KIF13A: variants seen among roughly 807,000 people sequenced by gnomAD.
The protein encoded by KIF13A is kinesin family member 13A.
In KIF13A, 79 loss-of-function variants were observed where a neutral mutation model predicts 212.2. The ratio of observed to expected loss-of-function variants is 0.37; its 90% confidence interval spans 0.31 to 0.45. The LOEUF (loss-of-function observed/expected upper bound fraction) is 0.45. Ranked by LOEUF, KIF13A falls within the 20% of genes least tolerant of loss-of-function variation. The pLI is 1.00. For missense variants in KIF13A, 1,901 were observed against 2,209.0 expected, an observed-to-expected ratio of 0.86 and a Z score of 2.79; for synonymous variants, 789 against 808.6, an observed-to-expected ratio of 0.98 and a Z score of 0.41.
intron 2 of KIF13A, among the ~76,000 whole-genome samples, chr6:17,927,128 G>A (rs780611690): frequency 8.6e-6 from 1 of 116,864 alleles, no homozygotes; most frequent in African/African-American, 3.1e-5. Context: ...AACAGAGCAA[G>A]ACTCTGTCTC....
At chr6:17,770,757 G>T in intron 38 of KIF13A, 1 of 974,018 alleles carries the variant, frequency 1.0e-6, no homozygotes, top group Non-Finnish European at 1.2e-6. Context: ...CCAAGTAAGT[G>T]CACTTCCTCT....
chr6:17,779,686 T>C lies in KIF13A; in HGVS notation c.3847-2A>G. 1 of 1,270,920 alleles carries C rather than the reference T, an allele frequency of 7.9e-7. No individual in the cohort carries two copies. The highest frequency in any genetic ancestry group is 1.3e-5 in the South Asian group (1 of 78,606). The allele number at this position is 1,270,920 out of a possible 1,614,324, so 78.7% of individuals were successfully genotyped here. On this transcript the variant is annotated splice_acceptor_variant, in intron 31 of 38. Coordinates refer to ENST00000259711, the MANE Select transcript of KIF13A (RefSeq NM_022113.6). LOFTEE classifies it high-confidence loss of function. ...CCTCTTCAAACTCTGCGTGAAACTC[T>C]AGTAGAAAAAAAAAAAAGCTGTATT...
At chr6:17,877,421 C>T (rs940590137) in intron 3 of KIF13A, among the ~76,000 whole-genome samples, 25 of 152,066 alleles carry the variant, frequency 1.6e-4, no homozygotes, top group Admixed American at 1.4e-3. Context: ...CTCTAGAGAC[C>T]GACCACACAG....
At position 17,850,180 on chromosome 6, in the gene KIF13A, G is replaced by A; in HGVS notation, c.717+143C>T. ...TAAAGAAAGACCTAACAAATTAAAT[G>A]ATAAGCAAAGTAGCTCACCTAGTAA... On this transcript the variant is annotated intron_variant, in intron 8 of 38. Coordinates refer to ENST00000259711, the MANE Select transcript of KIF13A (RefSeq NM_022113.6). This position sits in a 1 kb window ranked among gnomAD's most constrained non-coding sequence, Gnocchi z 6.2. 2.5e-6 allele frequency: 2 copies of A among 807,372 alleles called. No individual in the cohort carries two copies. The highest frequency in any genetic ancestry group is 3.6e-6 in the Non-Finnish European group (2 of 552,314). 50.0% of individuals were successfully genotyped at this position (807,372 alleles called of 1,614,324 possible). A position where few individuals can be genotyped will look rare whatever the true frequency, so the allele number is the denominator to read the frequency against.
At chr6:17,924,442 T>C (rs892446425) in intron 2 of KIF13A, among the ~76,000 whole-genome samples, 3 of 152,228 alleles carry the variant, frequency 2.0e-5, no homozygotes, top group African/African-American at 7.2e-5. Flanking sequence ...ATGTCCCTTT[T>C]TTTCTGATGT....
rs1168734973 is a variant in KIF13A, at chr6:17,984,082, G to A, written c.146+2972C>T. 6.6e-6 allele frequency among the ~76,000 whole-genome samples: 1 copy of A among 152,164 alleles called. No homozygotes were observed. The highest frequency in any genetic ancestry group is 2.4e-5 in the African/African-American group (1 of 41,440). ...GGAGCATGAGGTACAAAGAGAAGTA[G>A]GATAAGGTACCTACCTGCCTTCAAG... is the stretch of plus-strand genomic sequence containing the variant. On this transcript the variant is annotated intron_variant, in intron 2 of 38. Coordinates refer to ENST00000259711, the MANE Select transcript of KIF13A (RefSeq NM_022113.6). The surrounding 1 kb of genome is among the most constrained non-coding windows in gnomAD (Gnocchi z 5.0).
chr6:17,951,436 T>A lies in KIF13A; in HGVS notation c.146+35618A>T. The A allele has an allele frequency of 1.9e-6, 1 of 537,822 alleles. No individual in the cohort carries two copies. Among genetic ancestry groups the A allele is most frequent in the South Asian group, 2.5e-5 (1 of 40,806 alleles). The allele number at this position is 537,822 out of a possible 1,614,324, so 33.3% of individuals were successfully genotyped here. A position where few individuals can be genotyped will look rare whatever the true frequency, so the allele number is the denominator to read the frequency against. On this transcript the variant is annotated intron_variant, in intron 2 of 38. Transcript: ENST00000259711. This position sits in a 1 kb window ranked among gnomAD's most constrained non-coding sequence, Gnocchi z 4.9. ...GTGAGCCACTGTGACCAGCCTCAAT[T>A]TAAAAAAAAAAAAAAAACAGCTTTA... is the stretch of plus-strand genomic sequence containing the variant.
chr6:17,890,790 CTAATAATAATAATAA>C (rs71536760), intron 3 of KIF13A, among the ~76,000 whole-genome samples: 1 of 139,138 alleles, frequency 7.2e-6, no homozygotes, highest in Non-Finnish European at 1.5e-5. Context: ...CTATGCCCAG[CTAATAATAATAATAA>C]TAATAATAAT....
intron 16 of KIF13A, among the ~76,000 whole-genome samples, chr6:17,821,031 T>A (rs1480555742): frequency 6.6e-6 from 1 of 152,180 alleles, no homozygotes; most frequent in African/African-American, 2.4e-5. Flanking sequence ...TCTTTATTTT[T>A]AAAATGTTTT....
intron 2 of KIF13A, among the ~76,000 whole-genome samples, chr6:17,935,211 T>C (rs1776353983): frequency 6.6e-6 from 1 of 152,182 alleles, no homozygotes; most frequent in African/African-American, 2.4e-5. Context: ...CCTGAATAAA[T>C]GTCACAATCA....
chr6:17,862,540 T>G (rs565753989), intron 4 of KIF13A, among the ~76,000 whole-genome samples: 1 of 152,304 alleles, frequency 6.6e-6, no homozygotes, highest in South Asian at 2.1e-4. Flanking sequence ...TGGTGGCTCA[T>G]GCCTGCAATC....
chr6:17,833,131 C>T (rs1360783313), intron 12 of KIF13A, among the ~76,000 whole-genome samples: 1 of 150,904 alleles, frequency 6.6e-6, no homozygotes, highest in African/African-American at 2.4e-5. Context: ...TTAGTGCTAT[C>T]TAACACGTCT....
In KIF13A at chr6:17,826,832, A is replaced by G. The variant is rs1171287055; in HGVS notation, c.1533-708T>C. On this transcript the variant is annotated intron_variant, in intron 14 of 38. Transcript: ENST00000259711. This position sits in a 1 kb window ranked among gnomAD's most constrained non-coding sequence, Gnocchi z 4.7. ...GATGATATTGAAACTATATTTAAGA[A>G]TCTTCATCTTTTAGAGAGACATAGT... 6.6e-6 allele frequency among the ~76,000 whole-genome samples: 1 copy of G among 151,836 alleles called. No individual in the cohort carries two copies. Among genetic ancestry groups the G allele is most frequent in the East Asian group, 1.9e-4 (1 of 5,186 alleles).
chr6:17,859,698 C>A (rs534811827), intron 4 of KIF13A, among the ~76,000 whole-genome samples: 367 of 144,438 alleles, frequency 2.5e-3, no homozygotes, highest in Non-Finnish European at 3.8e-3. Flanking sequence ...TGCAATGGTG[C>A]GATCTCGGCT....
At chr6:17,775,349 G>C (rs182971826) in intron 34 of KIF13A, among the ~76,000 whole-genome samples, 1 of 152,042 alleles carries the variant, frequency 6.6e-6, no homozygotes, top group Non-Finnish European at 1.5e-5. Flanking sequence ...TTATTCAATA[G>C]TCTAGTCAAG....
rs200447171 is a variant in KIF13A, at chr6:17,764,164, C to T, written c.5364G>A (p.Glu1788=). 4 of 1,614,012 alleles carry T rather than the reference C, an allele frequency of 2.5e-6. No individual in the cohort carries two copies. The Admixed American group carries it at 6.7e-5, about 27-fold the overall frequency. The change falls in exon 39 of 39, where the codon GAG becomes GAA. Residue 1788 remains glutamate (E), a synonymous_variant. Coordinates refer to ENST00000259711, the MANE Select transcript of KIF13A (RefSeq NM_022113.6). This position sits in a 1 kb window ranked among gnomAD's most constrained non-coding sequence, Gnocchi z 5.1. ...HHPSQLHSKL[E]NDQVIIPEAA... ...CCTCTGGAATTATTACCTGGTCATT[C>T]TCTAACTTGGAATGCAGCTGGCTGG...
chr6:17,975,279 G>A (rs887716020), intron 2 of KIF13A, among the ~76,000 whole-genome samples: 2 of 152,186 alleles, frequency 1.3e-5, no homozygotes, highest in African/African-American at 2.4e-5. Flanking sequence ...TTTGAATCTG[G>A]GAGGTGAAGG....
At chr6:17,821,838 G>C (rs1025441100) in intron 16 of KIF13A, 1 of 1,535,180 alleles carries the variant, frequency 6.5e-7, no homozygotes, top group African/African-American at 1.4e-5. Flanking sequence ...TGAGAGGAAA[G>C]AGGATCTTCA....
intron 4 of KIF13A, among the ~76,000 whole-genome samples, chr6:17,870,188 T>G (rs960623740): frequency 6.6e-6 from 1 of 152,202 alleles, no homozygotes; most frequent in South Asian, 2.1e-4. Flanking sequence ...TGGGAATATC[T>G]GAAGAATAAG....
Sources: gnomAD v4.1 joint callset for allele counts (sites outside exome capture counted in the v4.1 genomes callset) on GRCh38, gnomAD v4.1.1 for gene constraint, Gnocchi (gnomAD v3.1) non-coding constraint, MANE v1.5 for transcripts, NCBI Gene and HGNC (gene_info 2026-07-23, HGNC 2026-07-21) for gene names.